Variants in GFOD2 observed in about 807,000 individuals in gnomAD.
GFOD2 encodes the protein glucose-fructose oxidoreductase domain-containing protein 2.
GFOD2 carries 9 observed loss-of-function variants against 24.6 expected under a neutral mutation model. That is an observed-to-expected ratio of 0.37 (90% CI 0.22 to 0.64). GFOD2 has a LOEUF of 0.64. GFOD2 is among the 30% of genes least tolerant of loss of function. The pLI is 0.65. For synonymous variants in GFOD2, 211 were observed against 224.8 expected (o/e 0.94, Z 0.55); for missense variants, 476 against 532.5 (o/e 0.89, Z 1.04).
rs2053433513 is a variant in GFOD2 at position 67,705,591 on chromosome 16, A to C, written c.-88+13572T>G. On this transcript the variant is annotated intron_variant, in intron 1 of 2. Coordinates refer to ENST00000268797, the MANE Select transcript of GFOD2 (RefSeq NM_030819.4). ...ATTAGCAGCAGTGAGCTAGCTCTTC[A>C]GAAATTTATAGATGAATGGAGCCTG... 2.0e-5 allele frequency among the ~76,000 whole-genome samples: 3 copies of C among 152,172 alleles called. No individual in the cohort carries two copies. In the South Asian group the frequency reaches 6.2e-4, roughly 31 times the overall value.
At chr16:67,677,897 C>T (rs1257451189) in intron 2 of GFOD2, 1 of 152,238 alleles carries the variant, frequency 6.6e-6, no homozygotes, top group Non-Finnish European at 1.5e-5. Context: ...TGCCTGTGAC[C>T]TGGGGCAACC....
chr16:67,709,741 A>T (rs2053460451), intron 1 of GFOD2, among the ~76,000 whole-genome samples: 1 of 151,876 alleles, frequency 6.6e-6, no homozygotes, highest in Non-Finnish European at 1.5e-5. Context: ...CAGCCCCCTG[A>T]GTAGCTAGGA....
intron 1 of GFOD2, among the ~76,000 whole-genome samples, chr16:67,693,453 G>A (rs889615148): frequency 2.6e-5 from 4 of 151,916 alleles, no homozygotes; most frequent in Non-Finnish European, 5.9e-5. Context: ...TGTGTTTTTT[G>A]TAGAGACAGG....
chr16:67,679,886 C>T (rs922855727), intron 2 of GFOD2, among the ~76,000 whole-genome samples: 2 of 121,144 alleles, frequency 1.7e-5, no homozygotes, highest in African/African-American at 5.7e-5. Context: ...GACTTCGTCT[C>T]AAAAAAAAAA....
intron 1 of GFOD2, among the ~76,000 whole-genome samples, chr16:67,717,717 G>C (rs1405327469): frequency 1.3e-5 from 2 of 152,128 alleles, no homozygotes; most frequent in African/African-American, 4.8e-5. Context: ...CTTGAACCTG[G>C]GAGGCGGAGA....
intron 1 of GFOD2, among the ~76,000 whole-genome samples, chr16:67,700,249 C>T (rs2053391872): frequency 6.6e-6 from 1 of 151,932 alleles, no homozygotes; most frequent in Non-Finnish European, 1.5e-5. Context: ...ACAGTATGTG[C>T]CTGTAGTCTC....
chr16:67,693,569 G>C (rs2053333090), intron 1 of GFOD2, among the ~76,000 whole-genome samples: 1 of 152,072 alleles, frequency 6.6e-6, no homozygotes, highest in Non-Finnish European at 1.5e-5. Context: ...ATGGTCCCTG[G>C]CTAGAATCTT....
At chr16:67,683,417 G>C (rs918566547) in intron 2 of GFOD2, 1 of 1,229,206 alleles carries the variant, frequency 8.1e-7, no homozygotes, top group Non-Finnish European at 1.0e-6. Flanking sequence ...GGATGGCAAG[G>C]AGTCAAGTGA....
chr16:67,693,399 G>A (rs2053331263), intron 1 of GFOD2, among the ~76,000 whole-genome samples: 1 of 151,828 alleles, frequency 6.6e-6, no homozygotes, highest in Non-Finnish European at 1.5e-5. Context: ...TGGGACTATA[G>A]GTGCGTGTCA....
chr16:67,707,417 A>C (rs1181684007), intron 1 of GFOD2, among the ~76,000 whole-genome samples: 1 of 151,890 alleles, frequency 6.6e-6, no homozygotes, highest in African/African-American at 2.4e-5. Flanking sequence ...GGCAAATGGA[A>C]CTCCCATACA....
In GFOD2 at chr16:67,680,741, AATTT is replaced by A. The variant is rs769734861; in HGVS notation, c.260-4692_260-4689del. On this transcript the variant is annotated intron_variant, in intron 2 of 2. Coordinates refer to ENST00000268797, the MANE Select transcript of GFOD2 (RefSeq NM_030819.4). The stretch of plus-strand genomic sequence containing the variant: ...GTCTATGACATCATTCAATCTCTTC[AATTT>A]ATTTATTTATTTTTTTAATACATAT... 7.2e-4 allele frequency: 706 copies of A among 974,086 alleles called. 1 individual carries two copies. The highest frequency in any genetic ancestry group is 2.3e-3 in the South Asian group (48 of 21,046). 60.3% of individuals were successfully genotyped at this position (974,086 alleles called of 1,614,324 possible).
chr16:67,708,354 A>G (rs544098311), intron 1 of GFOD2, among the ~76,000 whole-genome samples: 3 of 152,338 alleles, frequency 2.0e-5, no homozygotes, highest in African/African-American at 7.2e-5. Context: ...GGCCAAGAGA[A>G]TAAGTTTTCT....
chr16:67,711,395 A>G (rs915882787), intron 1 of GFOD2, among the ~76,000 whole-genome samples: 2 of 152,020 alleles, frequency 1.3e-5, no homozygotes, highest in African/African-American at 4.8e-5. Context: ...TACCTCTCTG[A>G]CCACTTCTCG....
intron 2 of GFOD2, chr16:67,683,566 C>G (rs2053243722): frequency 8.1e-7 from 1 of 1,231,666 alleles, no homozygotes; most frequent in South Asian, 4.1e-5. Flanking sequence ...CAATGTCACA[C>G]ATCCTCAGAG....
intron 2 of GFOD2, 75 bp downstream of exon 2, chr16:67,685,379 AGAG>A: frequency 1.3e-6 from 2 of 1,595,030 alleles, no homozygotes; most frequent in South Asian, 1.1e-5. Flanking sequence ...AGGAGAGCTC[AGAG>A]GAGAGGAGTG....
At chr16:67,701,503 A>T (rs185427226) in intron 1 of GFOD2, among the ~76,000 whole-genome samples, 1 of 152,346 alleles carries the variant, frequency 6.6e-6, no homozygotes, top group African/African-American at 2.4e-5. Flanking sequence ...CCCTACTTAA[A>T]GGCACCATAC....
Position 67,685,458 on chromosome 16 carries a change from T to G in GFOD2, c.258A>C (p.Leu86=), listed in dbSNP as rs1346686272. The G allele has an allele frequency of 6.2e-7, 1 of 1,614,142 alleles. No individual in the cohort carries two copies. Among genetic ancestry groups the G allele is most frequent in the Non-Finnish European group, 8.5e-7 (1 of 1,180,024 alleles). The change falls in exon 2 of 3, where the codon CTA becomes CTC. Residue 86 remains leucine (L), a splice_region_variant and synonymous_variant. Transcript: ENST00000268797. ...CCTGCTGTGGCCTGCCGGGCGTACC[T>G]AGAGCCTTCACGGATATCTGCCGGG... ...PLTRQISVKA[L]GIGKNVVCEK...
At chr16:67,709,306 GAA>G (rs576502749) in intron 1 of GFOD2, among the ~76,000 whole-genome samples, 2 of 121,568 alleles carry the variant, frequency 1.6e-5, no homozygotes. Flanking sequence ...TATCTCAAAA[GAA>G]AAAAAAAAAA....
chr16:67,685,564 G>A lies in GFOD2; in HGVS notation c.152C>T (p.Ala51Val). The A allele has an allele frequency of 1.2e-6, 2 of 1,614,052 alleles. No homozygotes were observed. The highest frequency in any genetic ancestry group is 1.7e-6 in the Non-Finnish European group (2 of 1,179,994). Residue 51 changes from alanine to valine, a missense_variant, in exon 2 of 3, where the codon GCC (alanine) becomes GTC (valine). Transcript: ENST00000268797. The stretch of plus-strand genomic sequence containing the variant: ...GTCATCAGTCCGGCTGGTGTAGAAG[G>A]CGATGTTCATCTCCTCAGCAAGCTG... The part of the protein sequence containing the change: ...AKQLAEEMNI[A>V]FYTSRTDDIL...
Sources: allele counts gnomAD v4.1 joint callset (sites outside exome capture counted in the v4.1 genomes callset), GRCh38; gene constraint gnomAD v4.1.1; transcripts MANE v1.5; gene names NCBI Gene and HGNC (gene_info 2026-07-23, HGNC 2026-07-21).